MAP3K21: variants seen among roughly 807,000 people sequenced by gnomAD.
MAP3K21 encodes mitogen-activated protein kinase kinase kinase 21.
MAP3K21 carries 63 observed loss-of-function variants against 86.1 expected under a neutral mutation model. That is an observed-to-expected ratio of 0.73 (90% confidence interval 0.60 to 0.90). The LOEUF is 0.90. Among genes scored for constraint, MAP3K21 ranks in the 40% least tolerant of loss-of-function variants. The pLI is 0.00. For synonymous variants in MAP3K21, 558 were observed against 564.8 expected, an observed-to-expected ratio of 0.99 and a Z score of 0.17; for missense variants, 1,220 against 1,367.7, an observed-to-expected ratio of 0.89 and a Z score of 1.70.
At chr1:233,348,073 T>A (rs945841535) in intron 2 of MAP3K21, among the ~76,000 whole-genome samples, 1 of 152,202 alleles carries the variant, frequency 6.6e-6, no homozygotes, top group African/African-American at 2.4e-5. Flanking sequence ...TGTGTGTCCA[T>A]CATCCCAGTT....
chr1:233,367,860 A>C (rs866509944), intron 5 of MAP3K21, among the ~76,000 whole-genome samples: 1 of 33,294 alleles, frequency 3.0e-5, no homozygotes, highest in African/African-American at 8.0e-5. Context: ...ACTCCGTCTC[A>C]AAAAAAAAAA....
chr1:233,382,485 A>G lies in MAP3K21; in HGVS notation c.2885A>G (p.Gln962Arg), dbSNP rs1663936592. The G allele has an allele frequency of 6.2e-7, 1 of 1,614,078 alleles. No individual in the cohort carries two copies. The highest frequency in any genetic ancestry group is 8.5e-7 in the Non-Finnish European group (1 of 1,180,042). ...SRSDLPQAYPQTAVSQLAQTA... is the reference protein window; with the variant it reads ...SRSDLPQAYPRTAVSQLAQTA... ...TCAGATCTGCCTCAGGCTTACCCACAGACAGCAGTGTCTCAGCTGGCACAG... is the reference window on the plus strand; with the variant it reads ...TCAGATCTGCCTCAGGCTTACCCACGGACAGCAGTGTCTCAGCTGGCACAG... Residue 962 changes from glutamine to arginine, a missense_variant, in exon 10 of 10, where the codon CAG (glutamine) becomes CGG (arginine). Physicochemically the swap from Gln to Arg is conservative, Grantham distance 43. This residue lies in a region of MAP3K21 where 632 missense variants were observed against 691.3 expected (regional missense o/e 0.91). Transcript: ENST00000366624.
intron 3 of MAP3K21, 53 bp downstream of exon 3, chr1:233,354,008 A>G: frequency 7.2e-7 from 1 of 1,382,818 alleles, no homozygotes; most frequent in South Asian, 2.0e-5. Flanking sequence ...TCTCATTAGA[A>G]TATCATTTTT....
chr1:233,328,065 C>G lies in MAP3K21; in HGVS notation c.37C>G (p.Pro13Ala). Residue 13 changes from proline (P) to alanine (A), a missense_variant, in exon 1 of 10, where the codon CCG becomes GCG. By Grantham distance (27) the Pro-to-Ala change is conservative. Transcript: ENST00000366624. The surrounding 1 kb of genome is among the most constrained non-coding windows in gnomAD (Gnocchi z 8.7). ...GGGCGCCGCGGGAGCGACCGACACC[C>G]CGGTGTCCTCGGCCGGGGGAGCCCC... ...LRGAAGATDT[P>A]VSSAGGAPGG... The G allele has an allele frequency of 7.4e-7, 1 of 1,342,420 alleles. No individual in the cohort carries two copies. The highest frequency in any genetic ancestry group is 9.5e-7 in the Non-Finnish European group (1 of 1,053,906). The allele number at this position is 1,342,420 out of a possible 1,614,324, so 83.2% of individuals were successfully genotyped here. A position where few individuals can be genotyped will look rare whatever the true frequency, so the allele number is the denominator to read the frequency against.
At chr1:233,334,797 GTACTAT>G (rs1172354074) in intron 1 of MAP3K21, among the ~76,000 whole-genome samples, 1 of 152,150 alleles carries the variant, frequency 6.6e-6, no homozygotes, top group African/African-American at 2.4e-5. Context: ...CTTTATGACT[GTACTAT>G]CATAGATTGT....
chr1:233,381,647 G>A lies in MAP3K21; in HGVS notation c.2705-658G>A, dbSNP rs568674383. Among the ~76,000 whole-genome samples, 22 of 152,198 alleles carry A rather than the reference G, an allele frequency of 1.4e-4. No individual in the cohort carries two copies. The South Asian group carries it at 3.9e-3, about 27-fold the overall frequency. On this transcript the variant is annotated intron_variant, in intron 9 of 9. Transcript: ENST00000366624. The stretch of plus-strand genomic sequence containing the variant: ...TTATTATCTTTCTGTAGGTCAATAA[G>A]TATTGGTAATTTATAATTGCACAAG...
At chr1:233,343,014 A>G (rs933931188) in intron 1 of MAP3K21, among the ~76,000 whole-genome samples, 15 of 152,180 alleles carry the variant, frequency 9.9e-5, no homozygotes, top group East Asian at 5.8e-4. Context: ...TTGTAACCCA[A>G]CAGTATTTAT....
At chr1:233,372,333 A>G (rs1663701944) in intron 6 of MAP3K21, 173 bp downstream of exon 6, 3 of 703,056 alleles carry the variant, frequency 4.3e-6, no homozygotes, top group Non-Finnish European at 6.5e-6. Context: ...TCCTTAGTCT[A>G]ATTTTCTTCT....
chr1:233,363,877 G>A (rs1355565844), intron 5 of MAP3K21, among the ~76,000 whole-genome samples: 3 of 151,318 alleles, frequency 2.0e-5, no homozygotes, highest in Non-Finnish European at 2.9e-5. Flanking sequence ...AGCTGGGCAC[G>A]GGGGCGGGTG....
Position 233,384,055 on chromosome 1 carries a change from G to A in MAP3K21, c.*1344G>A, listed in dbSNP as rs1341037382. 1 of 152,102 alleles carries A rather than the reference G, an allele frequency of 6.6e-6. No individual in the cohort carries two copies. The highest frequency in any genetic ancestry group is 1.5e-5 in the Non-Finnish European group (1 of 68,012). 9.4% of individuals were successfully genotyped at this position (152,102 alleles called of 1,614,324 possible). On this transcript the variant is annotated 3_prime_UTR_variant, in exon 10 of 10. Transcript: ENST00000366624. Reference sequence around the variant, plus strand: ...TGTGCTTCCCTTCTGTCTCTAGAATGTGGCTCTTCAGAAGACAGACAATCG... The same window carrying A: ...TGTGCTTCCCTTCTGTCTCTAGAATATGGCTCTTCAGAAGACAGACAATCG...
intron 2 of MAP3K21, among the ~76,000 whole-genome samples, chr1:233,348,162 CA>C (rs912470190): frequency 6.6e-6 from 1 of 152,190 alleles, no homozygotes; most frequent in Non-Finnish European, 1.5e-5. Flanking sequence ...CCTTCCCTCT[CA>C]GCCCTAGGCA....
intron 1 of MAP3K21, among the ~76,000 whole-genome samples, chr1:233,342,400 C>A (rs1241196283): frequency 6.6e-6 from 1 of 152,168 alleles, no homozygotes; most frequent in Non-Finnish European, 1.5e-5. Context: ...CTCTGCATAG[C>A]AGAGGGTTGG....
Position 233,383,512 on chromosome 1 carries a change from G to A in MAP3K21, c.*801G>A, listed in dbSNP as rs1270782234. The A allele has an allele frequency of 6.6e-6, 1 of 151,912 alleles. No homozygotes were observed. The highest frequency in any genetic ancestry group is 2.4e-5 in the African/African-American group (1 of 41,318). 9.4% of individuals were successfully genotyped at this position (151,912 alleles called of 1,614,324 possible). ...GCCCCTTGAGTGAGGCTAATCTTTAGGTTTTTCCTATAGAAAACATTCTTC... is the reference window on the plus strand; with the variant it reads ...GCCCCTTGAGTGAGGCTAATCTTTAAGTTTTTCCTATAGAAAACATTCTTC... On this transcript the variant is annotated 3_prime_UTR_variant, in exon 10 of 10. Coordinates refer to ENST00000366624, the MANE Select transcript of MAP3K21 (RefSeq NM_032435.3).
chr1:233,376,157 A>G, intron 7 of MAP3K21, 91 bp downstream of exon 7: 2 of 1,108,026 alleles, frequency 1.8e-6, no homozygotes, highest in Non-Finnish European at 2.6e-6. Context: ...TCAAAAAGCA[A>G]GTAAATTAAT....
chr1:233,353,934 C>T lies in MAP3K21; in HGVS notation c.1114C>T (p.Pro372Ser), dbSNP rs780419030. The T allele has an allele frequency of 1.2e-6, 2 of 1,606,424 alleles. No homozygotes were observed. The highest frequency in any genetic ancestry group is 1.7e-6 in the Non-Finnish European group (2 of 1,176,788). Reference sequence around the variant, plus strand: ...GCCCATTCCATCCACCTGCCCTGAGCCGTTTGCCAAGCTCATGAAAGGTAT... The same window carrying T: ...GCCCATTCCATCCACCTGCCCTGAGTCGTTTGCCAAGCTCATGAAAGGTAT... ...TLPIPSTCPE[P>S]FAKLMKECWQ... Residue 372 changes from proline (P) to serine (S), a missense_variant, in exon 3 of 10, where the codon CCG (proline) becomes TCG (serine). This residue lies in a region of MAP3K21 where 126 missense variants were observed against 127.7 expected (regional missense o/e 0.99). Transcript: ENST00000366624.
chr1:233,362,722 A>G (rs1425367791), intron 5 of MAP3K21, among the ~76,000 whole-genome samples: 1 of 152,092 alleles, frequency 6.6e-6, no homozygotes, highest in African/African-American at 2.4e-5. Flanking sequence ...TATCTGGGAC[A>G]CTGATATTGT....
chr1:233,336,911 G>A (rs1006414133), intron 1 of MAP3K21, among the ~76,000 whole-genome samples: 32 of 152,326 alleles, frequency 2.1e-4, no homozygotes, highest in Admixed American at 5.9e-4. Context: ...TGTATGGTAA[G>A]TCATAGCAGG....
rs1463710681 is a variant in MAP3K21, at chr1:233,339,293, T to C, written c.806-7149T>C. On this transcript the variant is annotated intron_variant, in intron 1 of 9. Transcript: ENST00000366624. ...CTCTTCTTCTTCTTCTTCTTCTTCC[T>C]CTTCTTCTTCCTCTTCTTCTTCCTC... Among the ~76,000 whole-genome samples the C allele has an allele frequency of 9.3e-5, 10 of 107,128 alleles. 1 individual carries two copies. Among genetic ancestry groups the C allele is most frequent in the Non-Finnish European group, 1.9e-4 (9 of 47,022 alleles). The allele number at this position is 107,128 out of a possible 152,430, so 70.3% of individuals were successfully genotyped here.
At chr1:233,360,683 G>T (rs1387758626) in intron 4 of MAP3K21, among the ~76,000 whole-genome samples, 2 of 152,120 alleles carry the variant, frequency 1.3e-5, no homozygotes, top group African/African-American at 4.8e-5. Context: ...TACGATAATT[G>T]TACTGATAGG....
Sources: allele counts gnomAD v4.1 joint callset (sites outside exome capture counted in the v4.1 genomes callset), GRCh38; gene constraint gnomAD v4.1.1; regional missense constraint gnomAD v4.1.1; non-coding constraint Gnocchi (gnomAD v3.1); transcripts MANE v1.5; gene names NCBI Gene and HGNC (gene_info 2026-07-23, HGNC 2026-07-21).